BCAS3: variants seen among roughly 807,000 people sequenced by gnomAD.
BCAS3 encodes the protein BCAS3 microtubule associated cell migration factor.
BCAS3 carries 53 observed loss-of-function variants against 116.1 expected under a neutral mutation model. That is an observed-to-expected ratio of 0.46 (90% CI 0.37 to 0.57). The LOEUF (loss-of-function observed/expected upper bound fraction) is 0.57, where lower values mean the gene tolerates loss of function less well. Among genes scored for constraint, BCAS3 ranks in the 20% least tolerant of loss-of-function variants. The pLI, the probability that BCAS3 is intolerant of heterozygous loss-of-function variation, is 0.00. For missense variants in BCAS3, 917 were observed against 1,165.4 expected, an observed-to-expected ratio of 0.79 and a Z score of 3.10; for synonymous variants, 391 against 408.2, an observed-to-expected ratio of 0.96 and a Z score of 0.51.
intron 6 of BCAS3, among the ~76,000 whole-genome samples, chr17:60,759,176 G>T (rs1489892994): frequency 6.6e-6 from 1 of 152,140 alleles, no homozygotes; most frequent in East Asian, 1.9e-4. Flanking sequence ...GTTTTGCCAT[G>T]TTGGCCAGGC....
intron 22 of BCAS3, among the ~76,000 whole-genome samples, chr17:61,101,090 A>G (rs796514383): frequency 5.9e-5 from 9 of 152,184 alleles, no homozygotes; most frequent in African/African-American, 2.2e-4. Context: ...TTTATCATAT[A>G]CTGTTGTATC....
chr17:61,358,416 G>C (rs1164162995), intron 22 of BCAS3, among the ~76,000 whole-genome samples: 1 of 152,018 alleles, frequency 6.6e-6, no homozygotes, highest in Non-Finnish European at 1.5e-5. Context: ...TATGCATGAC[G>C]GTTGTTGCTT....
chr17:61,324,751 AAGG>A lies in BCAS3; in HGVS notation c.2426-43575_2426-43573del, dbSNP rs573291527. 2.6e-5 allele frequency among the ~76,000 whole-genome samples: 4 copies of A among 152,062 alleles called. No homozygotes were observed. The highest frequency in any genetic ancestry group is 5.9e-5 in the Non-Finnish European group (4 of 67,954). On this transcript the variant is annotated intron_variant, in intron 22 of 23. Transcript: ENST00000407086. This position sits in a 1 kb window ranked among gnomAD's most constrained non-coding sequence, Gnocchi z 4.6. The stretch of plus-strand genomic sequence containing the variant: ...CGGTAGCTCACTTCTATAATCTCAG[AAGG>A]CGGGAGGATCAGTTGAGCTCAGGAG...
In BCAS3 at chr17:60,994,593, A is replaced by G. The variant is rs1050392982; in HGVS notation, c.1486+4358A>G. ...CTGCTTAAGATCTTTGTGTCTCACCATATTCCTAGAAGGTTAGAAAATGTC... is the reference window on the plus strand; with the variant it reads ...CTGCTTAAGATCTTTGTGTCTCACCGTATTCCTAGAAGGTTAGAAAATGTC... On this transcript the variant is annotated intron_variant, in intron 15 of 23. Coordinates refer to ENST00000407086, the MANE Select transcript of BCAS3 (RefSeq NM_017679.5). This position sits in a 1 kb window ranked among gnomAD's most constrained non-coding sequence, Gnocchi z 4.4. Among the ~76,000 whole-genome samples, 2 of 152,218 alleles carry G rather than the reference A, an allele frequency of 1.3e-5. No homozygotes were observed. Among genetic ancestry groups the G allele is most frequent in the African/African-American group, 4.8e-5 (2 of 41,460 alleles).
chr17:60,951,866 G>GT (rs2060857408), intron 14 of BCAS3, among the ~76,000 whole-genome samples: 1 of 149,646 alleles, frequency 6.7e-6, no homozygotes, highest in Admixed American at 6.7e-5. Flanking sequence ...GTCCTCCCGG[G>GT]TTCAAACAGT....
intron 19 of BCAS3, among the ~76,000 whole-genome samples, chr17:61,061,648 T>C (rs2070052734): frequency 6.6e-6 from 1 of 152,250 alleles, no homozygotes; most frequent in Non-Finnish European, 1.5e-5. Context: ...CTCATCCTAG[T>C]ATCTTATCAA....
At chr17:61,290,464 C>A (rs2052275392) in intron 22 of BCAS3, among the ~76,000 whole-genome samples, 1 of 152,116 alleles carries the variant, frequency 6.6e-6, no homozygotes, top group Non-Finnish European at 1.5e-5. Context: ...AATAGAAAAA[C>A]AAATCAGTTT....
At chr17:60,974,401 C>T (rs1446361347) in intron 14 of BCAS3, among the ~76,000 whole-genome samples, 1 of 152,080 alleles carries the variant, frequency 6.6e-6, no homozygotes, top group African/African-American at 2.4e-5. Flanking sequence ...TAGATGAAAA[C>T]ACTCTTTAGA....
At chr17:60,865,769 C>T (rs771021389) in intron 7 of BCAS3, among the ~76,000 whole-genome samples, 28 of 152,020 alleles carry the variant, frequency 1.8e-4, no homozygotes, top group Non-Finnish European at 3.4e-4. Flanking sequence ...GTAATTATTG[C>T]GCTGGGTAAG....
In BCAS3 at chr17:61,108,104, T is replaced by C. The variant is rs146018256; in HGVS notation, c.2425+23540T>C. Among the ~76,000 whole-genome samples, 398 of 152,340 alleles carry C rather than the reference T, an allele frequency of 2.6e-3. 3 individuals are homozygous for C. Among genetic ancestry groups the C allele is most frequent in the African/African-American group, 9.2e-3 (384 of 41,572 alleles). On this transcript the variant is annotated intron_variant, in intron 22 of 23. Transcript: ENST00000407086. ...TTCATATGTTTTGTAGCTCTGTTTT[T>C]AGTGCATGCGCATCTCGGGTTGCTG...
At chr17:60,958,629 A>G (rs1367948785) in intron 14 of BCAS3, among the ~76,000 whole-genome samples, 1 of 152,244 alleles carries the variant, frequency 6.6e-6, no homozygotes, top group Non-Finnish European at 1.5e-5. Flanking sequence ...AGATTTATCC[A>G]TAGACTCGAT....
rs984343093 is a variant in BCAS3 at position 61,347,270 on chromosome 17, C to T, written c.2426-21057C>T. ...CTGATTTTTATATTTTTAGTAGAGA[C>T]GGGGTTACACCGTGTTGGCCAGGCT... On this transcript the variant is annotated intron_variant, in intron 22 of 23. Transcript: ENST00000407086. The surrounding 1 kb of genome is among the most constrained non-coding windows in gnomAD (Gnocchi z 4.3). 3.3e-5 allele frequency among the ~76,000 whole-genome samples: 5 copies of T among 152,018 alleles called. No individual in the cohort carries two copies. Among genetic ancestry groups the T allele is most frequent in the African/African-American group, 4.8e-5 (2 of 41,374 alleles).
chr17:60,785,595 C>T (rs1348717716), intron 6 of BCAS3, among the ~76,000 whole-genome samples: 1 of 152,172 alleles, frequency 6.6e-6, no homozygotes, highest in African/African-American at 2.4e-5. Context: ...TAAATTGTTA[C>T]AGCCATATTA....
At position 61,368,340 on chromosome 17, in the gene BCAS3, G is replaced by A; in HGVS notation, c.2439G>A (p.Arg813=). 6.2e-7 allele frequency: 1 copy of A among 1,600,920 alleles called. No individual in the cohort carries two copies. The highest frequency in any genetic ancestry group is 1.7e-4 in the Middle Eastern group (1 of 5,988). The stretch of plus-strand genomic sequence containing the variant: ...TGTGTGCCACAGGTACCTTTGACAG[G>A]AGCGTGACCCTGCTGGAGGTGTGCG... ...VIDAASGTFD[R]SVTLLEVCGS... The change falls in exon 23 of 24, where the codon AGG becomes AGA. Residue 813 remains arginine (R), a synonymous_variant. Coordinates refer to ENST00000407086, the MANE Select transcript of BCAS3 (RefSeq NM_017679.5). The surrounding 1 kb of genome is among the most constrained non-coding windows in gnomAD (Gnocchi z 6.0).
At chr17:60,715,242 T>C (rs1195448659) in intron 5 of BCAS3, among the ~76,000 whole-genome samples, 5 of 151,244 alleles carry the variant, frequency 3.3e-5, no homozygotes, top group Non-Finnish European at 7.4e-5. Context: ...CAAGTAGTTC[T>C]CCTGCCTCAG....
intron 14 of BCAS3, among the ~76,000 whole-genome samples, chr17:60,978,918 G>C (rs1295594755): frequency 2.8e-5 from 4 of 141,408 alleles, no homozygotes; most frequent in Non-Finnish European, 6.1e-5. Flanking sequence ...TTGTAGTATA[G>C]TTTGAAGTCA....
At chr17:60,891,797 C>T (rs889829774) in intron 10 of BCAS3, 1 of 453,870 alleles carries the variant, frequency 2.2e-6, no homozygotes. Flanking sequence ...CAACCCTCAG[C>T]TGCCTCTTCC....
intron 6 of BCAS3, among the ~76,000 whole-genome samples, chr17:60,751,187 A>ATCC (rs2042423196): frequency 6.6e-6 from 1 of 152,222 alleles, no homozygotes; most frequent in Non-Finnish European, 1.5e-5. Flanking sequence ...TCATGTCAAC[A>ATCC]CAGCTTATGC....
chr17:60,922,856 A>C (rs2059177909), intron 12 of BCAS3, among the ~76,000 whole-genome samples: 1 of 152,244 alleles, frequency 6.6e-6, no homozygotes, highest in African/African-American at 2.4e-5. Flanking sequence ...TCAAAGAAAG[A>C]AGCTTAGGGA....
Sources: allele counts gnomAD v4.1 joint callset (sites outside exome capture counted in the v4.1 genomes callset), GRCh38; gene constraint gnomAD v4.1.1; non-coding constraint Gnocchi (gnomAD v3.1); transcripts MANE v1.5; gene names NCBI Gene and HGNC (gene_info 2026-07-23, HGNC 2026-07-21).